The following ISM1 variants were observed in gnomAD, a reference collection of about 807,000 sequenced individuals.
The protein encoded by ISM1 is isthmin-1.
ISM1 carries 25 observed loss-of-function variants against 46.3 expected under a neutral mutation model. That is an observed-to-expected ratio of 0.54 (90% CI 0.39 to 0.75). The LOEUF (loss-of-function observed/expected upper bound fraction) is 0.75. Ranked by LOEUF, ISM1 falls within the 30% of genes least tolerant of loss-of-function variation. The pLI is 0.00. For missense variants in ISM1, 536 were observed against 625.4 expected, an observed-to-expected ratio of 0.86 and a Z score of 1.52; for synonymous variants, 255 against 256.7, an observed-to-expected ratio of 0.99 and a Z score of 0.06.
At chr20:13,306,564 C>CAAAAAAAAAAAAAAAAAAAAACAAA in the ISM1 span, among the ~76,000 whole-genome samples, 1 of 63,914 alleles carries the variant, frequency 1.6e-5, no homozygotes, top group South Asian at 7.8e-4. Context: ...GGAGAAAGGA[C>CAAAAAAAAAAAAAAAAAAAAACAAA]AAAAAAAAAA....
intron 1 of ISM1, among the ~76,000 whole-genome samples, chr20:13,256,432 A>G (rs2039930782): frequency 6.7e-6 from 1 of 149,068 alleles, no homozygotes; most frequent in Non-Finnish European, 1.5e-5. Flanking sequence ...CCTCTAGATT[A>G]TGCTTTGTAA....
At position 13,270,460 on chromosome 20, in the gene ISM1, T is replaced by C. The variant is rs564446942; in HGVS notation, c.139-44T>C. 49 of 1,566,710 alleles carry C rather than the reference T, an allele frequency of 3.1e-5. 2 individuals carry two copies. The South Asian group carries it at 5.7e-4, about 18-fold the overall frequency. On this transcript the variant is annotated intron_variant, in intron 1 of 5. Coordinates refer to ENST00000262487, the MANE Select transcript of ISM1 (RefSeq NM_080826.2). ...GACTGTTAAGGGTGACATTTTTTAA[T>C]CATGTGTCTCCTTAACAGGTGTTTG...
chr20:13,305,539 G>A (rs73082240), downstream of ISM1, among the ~76,000 whole-genome samples: 5,126 of 152,224 alleles, frequency 0.034, 87 homozygotes, highest in African/African-American at 0.046. Context: ...TGTGTGGGTC[G>A]TCCCATTATG....
At chr20:13,245,840 T>C (rs1014598562) in intron 1 of ISM1, among the ~76,000 whole-genome samples, 35 of 152,240 alleles carry the variant, frequency 2.3e-4, no homozygotes, top group Non-Finnish European at 5.9e-5. Flanking sequence ...TATCTGGAAC[T>C]GACCCACCTT....
intron 5 of ISM1, among the ~76,000 whole-genome samples, chr20:13,297,533 C>A (rs760151331): frequency 1.2e-4 from 18 of 152,202 alleles, no homozygotes; most frequent in Non-Finnish European, 2.1e-4. Flanking sequence ...CTGAGACTCA[C>A]TAAACCTGAA....
chr20:13,303,564 A>AG (rs1324960648), downstream of ISM1, among the ~76,000 whole-genome samples: 1 of 152,194 alleles, frequency 6.6e-6, no homozygotes, highest in Non-Finnish European at 1.5e-5. Context: ...CCCAGGTTCC[A>AG]GCACTGCACC....
At chr20:13,312,103 G>GTGT in the ISM1 span, among the ~76,000 whole-genome samples, 1 of 152,176 alleles carries the variant, frequency 6.6e-6, no homozygotes, top group Non-Finnish European at 1.5e-5. Context: ...ATATCTTAAA[G>GTGT]TGTTGATACG....
At chr20:13,224,271 C>T (rs1464315686) in intron 1 of ISM1, among the ~76,000 whole-genome samples, 6 of 152,152 alleles carry the variant, frequency 3.9e-5, no homozygotes, top group Admixed American at 3.9e-4. Flanking sequence ...AAGTTTTATA[C>T]TCTTCCTGAC....
chr20:13,221,670 C>A lies in ISM1; in HGVS notation c.-107C>A. 1 of 997,096 alleles carries A rather than the reference C, an allele frequency of 1.0e-6. No individual in the cohort carries two copies. Among genetic ancestry groups the A allele is most frequent in the Non-Finnish European group, 1.3e-6 (1 of 784,422 alleles). 61.8% of individuals were successfully genotyped at this position (997,096 alleles called of 1,614,324 possible). On this transcript the variant is annotated 5_prime_UTR_variant, in exon 1 of 6. Transcript: ENST00000262487. ...AGCGGAGCCCTGGCGGGAGCCGAGG[C>A]GGGAGCCGCGCTGCCGGGCTCCCGG...
intron 4 of ISM1, among the ~76,000 whole-genome samples, chr20:13,292,035 C>T (rs777478113): frequency 3.9e-5 from 6 of 152,164 alleles, no homozygotes; most frequent in African/African-American, 7.2e-5. Flanking sequence ...TTAAACACTA[C>T]GTTCTACTGC....
intron 1 of ISM1, among the ~76,000 whole-genome samples, chr20:13,246,977 T>C (rs1327075294): frequency 6.6e-6 from 1 of 152,156 alleles, no homozygotes; most frequent in Non-Finnish European, 1.5e-5. Flanking sequence ...GGCTCAGGCC[T>C]GTAATCCCAG....
chr20:13,251,387 T>C (rs1253695161), intron 1 of ISM1, among the ~76,000 whole-genome samples: 1 of 152,026 alleles, frequency 6.6e-6, no homozygotes, highest in Non-Finnish European at 1.5e-5. Context: ...TGATGGAGAG[T>C]GTGAAGGACT....
Position 13,299,567 on chromosome 20 carries a change from T to G in ISM1, c.*108T>G, listed in dbSNP as rs2040440451. 1 of 992,046 alleles carries G rather than the reference T, an allele frequency of 1.0e-6. No individual in the cohort carries two copies. Among genetic ancestry groups the G allele is most frequent in the Admixed American group, 2.2e-5 (1 of 44,942 alleles). The allele number at this position is 992,046 out of a possible 1,614,324, so 61.5% of individuals were successfully genotyped here. ...CCTTCATAGCTGCGGTCGTGTATATTTGTATATACCACATGAGTATTTCTC... is the reference window on the plus strand; with the variant it reads ...CCTTCATAGCTGCGGTCGTGTATATGTGTATATACCACATGAGTATTTCTC... On this transcript the variant is annotated 3_prime_UTR_variant, in exon 6 of 6. Transcript: ENST00000262487. This position sits in a 1 kb window ranked among gnomAD's most constrained non-coding sequence, Gnocchi z 5.8.
intron 1 of ISM1, among the ~76,000 whole-genome samples, chr20:13,222,251 A>G (rs1478548145): frequency 6.6e-6 from 1 of 152,074 alleles, no homozygotes; most frequent in Non-Finnish European, 1.5e-5. Flanking sequence ...GGGTGCTACC[A>G]GTCTTTCGTT....
intron 1 of ISM1, among the ~76,000 whole-genome samples, chr20:13,256,538 G>A (rs2039931736): frequency 6.6e-6 from 1 of 152,112 alleles, no homozygotes; most frequent in Non-Finnish European, 1.5e-5. Context: ...TTTTAATAGG[G>A]GATCATGGGA....
intron 1 of ISM1, among the ~76,000 whole-genome samples, chr20:13,232,397 A>G (rs962171209): frequency 1.3e-5 from 2 of 152,234 alleles, no homozygotes; most frequent in African/African-American, 4.8e-5. Flanking sequence ...TAAGTGGAAT[A>G]CAGAATGCAT....
chr20:13,285,001 C>G (rs2040276555), intron 3 of ISM1, among the ~76,000 whole-genome samples: 1 of 152,126 alleles, frequency 6.6e-6, no homozygotes, highest in Non-Finnish European at 1.5e-5. Flanking sequence ...GAAAACCACC[C>G]CCAGGCCAGG....
At chr20:13,250,501 C>G (rs1320021916) in intron 1 of ISM1, among the ~76,000 whole-genome samples, 1 of 152,164 alleles carries the variant, frequency 6.6e-6, no homozygotes, top group Admixed American at 6.5e-5. Flanking sequence ...CATGGCAACA[C>G]AGTTAAGCAT....
intron 1 of ISM1, among the ~76,000 whole-genome samples, chr20:13,236,891 G>C (rs1286118270): frequency 6.6e-6 from 1 of 152,248 alleles, no homozygotes; most frequent in African/African-American, 2.4e-5. Context: ...GCAGGGTACA[G>C]CCTCCCTCCA....
Sources: gnomAD v4.1 joint callset for allele counts (sites outside exome capture counted in the v4.1 genomes callset) on GRCh38, gnomAD v4.1.1 for gene constraint, Gnocchi (gnomAD v3.1) non-coding constraint, MANE v1.5 for transcripts, NCBI Gene and HGNC (gene_info 2026-07-23, HGNC 2026-07-21) for gene names.